The following DMD variants were observed in gnomAD, a reference collection of about 807,000 sequenced individuals.
DMD encodes mutant dystrophin.
DMD carries 63 observed loss-of-function variants against 330.1 expected under a neutral mutation model. The ratio of observed to expected loss-of-function variants is 0.19; its 90% CI spans 0.16 to 0.24. The LOEUF is 0.24. Ranked by LOEUF, DMD falls within the 10% of genes least tolerant of loss-of-function variation. The pLI, the probability that DMD is intolerant of heterozygous loss-of-function variation, is 1.00. For synonymous variants in DMD, 1,223 were observed against 959.8 expected, an observed-to-expected ratio of 1.27 and a Z score of -5.07; for missense variants, 3,344 against 2,684.1, an observed-to-expected ratio of 1.25 and a Z score of -5.43.
chrX:32,879,983 C>T (rs758586864), intron 2 of DMD, among the ~76,000 whole-genome samples: 1 of 111,246 alleles, frequency 9.0e-6, no homozygotes, highest in Admixed American at 9.6e-5. Context: ...TCCCCATACA[C>T]GATTCTGCAT....
At chrX:33,137,059 A>G (rs1277409650) in intron 1 of DMD, among the ~76,000 whole-genome samples, 1 of 111,079 alleles carries the variant, frequency 9.0e-6, no homozygotes, top group Non-Finnish European at 1.9e-5. Flanking sequence ...CCTCTCTAGA[A>G]ATATCCTTTC....
At chrX:32,035,915 A>G (rs1016211144) in intron 44 of DMD, among the ~76,000 whole-genome samples, 2 of 111,696 alleles carry the variant, frequency 1.8e-5, no homozygotes, top group African/African-American at 6.5e-5. Flanking sequence ...TAAGCTAAGT[A>G]GTTTTTAGAG....
At chrX:32,444,374 C>A (rs1188855323) in intron 27 of DMD, among the ~76,000 whole-genome samples, 1 of 109,861 alleles carries the variant, frequency 9.1e-6, no homozygotes, top group Non-Finnish European at 1.9e-5. Context: ...AAAAAAAAGA[C>A]AAAAATTCCA....
chrX:31,170,081 A>G lies in DMD; in HGVS notation c.10395-480T>C, dbSNP rs771283823. On this transcript the variant is annotated intron_variant, in intron 73 of 78. Transcript: ENST00000357033. ...GTGGAAGGCAATGTAACCAAAAAGT[A>G]TTGCTTCAGTAAGTCAGTTTTAACT... Among the ~76,000 whole-genome samples the G allele has an allele frequency of 3.6e-5, 4 of 111,814 alleles. No individual in the cohort carries two copies. The Admixed American group carries it at 3.8e-4, about 11-fold the overall frequency.
At chrX:32,760,487 GA>G (rs1306032910) in intron 7 of DMD, among the ~76,000 whole-genome samples, 1 of 111,396 alleles carries the variant, frequency 9.0e-6, no homozygotes, top group African/African-American at 3.3e-5. Context: ...GAAAGGTCCA[GA>G]ATTTAAAGGA....
chrX:32,775,508 C>A (rs1336270603), intron 7 of DMD, among the ~76,000 whole-genome samples: 1 of 113,397 alleles, frequency 8.8e-6, no homozygotes, highest in Non-Finnish European at 1.9e-5. Context: ...TTGCCTTCTG[C>A]ACAGCCGTAG....
At position 32,258,141 on chromosome X, in the gene DMD, G is replaced by T. The variant is rs146174905; in HGVS notation, c.6290+29388C>A. Among the ~76,000 whole-genome samples, 472 of 111,308 alleles carry T rather than the reference G, an allele frequency of 4.2e-3. 2 individuals are homozygous for T. Among genetic ancestry groups the T allele is most frequent in the African/African-American group, 0.014 (433 of 30,607 alleles). ...ACCATCTCACACCAGTTAGAATGGC[G>T]AACATTCAAAAGTCAGGCAACAACA... On this transcript the variant is annotated intron_variant, in intron 43 of 78. Coordinates refer to ENST00000357033, the MANE Select transcript of DMD (RefSeq NM_004006.3).
At chrX:31,707,592 C>G (rs1292169230) in intron 52 of DMD, among the ~76,000 whole-genome samples, 1 of 111,188 alleles carries the variant, frequency 9.0e-6, no homozygotes, top group Non-Finnish European at 1.9e-5. Context: ...CAAATCTGCA[C>G]ATGCACCTTC....
intron 18 of DMD, among the ~76,000 whole-genome samples, chrX:32,507,568 A>AATAGTCCAGT (rs2044753438): frequency 1.3e-4 from 14 of 111,604 alleles, no homozygotes; most frequent in African/African-American, 4.2e-4. Context: ...AGTTATTCTA[A>AATAGTCCAGT]TATAAATAGT....
intron 17 of DMD, among the ~76,000 whole-genome samples, chrX:32,539,602 T>G (rs1220768296): frequency 1.8e-5 from 2 of 111,448 alleles, no homozygotes; most frequent in East Asian, 5.6e-4. Context: ...AACTTTCAGA[T>G]TTTAGTTTAG....
At chrX:31,686,790 C>G (rs956165403) in intron 52 of DMD, among the ~76,000 whole-genome samples, 1 of 111,699 alleles carries the variant, frequency 9.0e-6, no homozygotes, top group Non-Finnish European at 1.9e-5. Flanking sequence ...TATATTGAAG[C>G]CAGTGGATTA....
chrX:32,145,812 ATATGAT>A (rs1168013988), intron 44 of DMD, among the ~76,000 whole-genome samples: 1 of 111,970 alleles, frequency 8.9e-6, no homozygotes, highest in Non-Finnish European at 1.9e-5. Flanking sequence ...TTACCTAATG[ATATGAT>A]TATAATTTAA....
chrX:32,841,301 C>G (rs2080136502), intron 4 of DMD, among the ~76,000 whole-genome samples: 1 of 111,134 alleles, frequency 9.0e-6, no homozygotes, highest in Non-Finnish European at 1.9e-5. Flanking sequence ...GTCAGTTATT[C>G]TCTATAGATT....
chrX:32,394,930 AAAAG>A (rs1299959725), intron 30 of DMD, among the ~76,000 whole-genome samples: 3 of 89,403 alleles, frequency 3.4e-5, no homozygotes, highest in Non-Finnish European at 2.2e-5. Flanking sequence ...AAAAAAAAAA[AAAAG>A]AAAAGAAATC....
intron 16 of DMD, among the ~76,000 whole-genome samples, chrX:32,564,323 T>C (rs778497510): frequency 1.8e-5 from 2 of 111,882 alleles, no homozygotes; most frequent in Non-Finnish European, 3.8e-5. Context: ...TATCAAATAA[T>C]GGCAATCTTT....
chrX:32,616,719 TAAAGAATGTTACTGAAACCC>T (rs1569316126), intron 11 of DMD, among the ~76,000 whole-genome samples: 1 of 78,843 alleles, frequency 1.3e-5, no homozygotes, highest in Non-Finnish European at 2.1e-5. Flanking sequence ...TTTTTTTCTT[TAAAGAATGTTACTGAAACCC>T]AAGATCCTGT....
intron 16 of DMD, among the ~76,000 whole-genome samples, chrX:32,549,157 T>C (rs974869813): frequency 4.5e-5 from 5 of 111,589 alleles, no homozygotes; most frequent in Non-Finnish European, 9.4e-5. Context: ...CCTCTTAGAG[T>C]GGTTATAAGT....
Position 31,476,422 on chromosome X carries a change from C to T in DMD, c.8937+1684G>A, listed in dbSNP as rs549067368. Among the ~76,000 whole-genome samples, 357 of 86,011 alleles carry T rather than the reference C, an allele frequency of 4.2e-3. 2 individuals carry two copies. The highest frequency in any genetic ancestry group is 0.012 in the African/African-American group (257 of 22,302). 74.7% of individuals were successfully genotyped at this position (86,011 alleles called of 115,157 possible). ...GTATATATATATATATATATATATACACACACACACACACATACTTTACAG... is the reference window on the plus strand; with the variant it reads ...GTATATATATATATATATATATATATACACACACACACACATACTTTACAG... On this transcript the variant is annotated intron_variant, in intron 59 of 78. Transcript: ENST00000357033.
At chrX:32,836,579 T>C (rs1186789601) in intron 4 of DMD, among the ~76,000 whole-genome samples, 1 of 111,507 alleles carries the variant, frequency 9.0e-6, no homozygotes, top group Non-Finnish European at 1.9e-5. Context: ...AGCATTTTTG[T>C]AACATTTTTA....
Sources: allele counts gnomAD v4.1 joint callset (sites outside exome capture counted in the v4.1 genomes callset), GRCh38; gene constraint gnomAD v4.1.1; transcripts MANE v1.5; gene names NCBI Gene and HGNC (gene_info 2026-07-23, HGNC 2026-07-21).